BCLAF1: variants seen among roughly 807,000 people sequenced by gnomAD.
BCLAF1 encodes BCL2 associated transcription factor 1, also known as bcl-2-associated transcription factor 1.
BCLAF1 carries 10 observed loss-of-function variants against 99.5 expected under a neutral mutation model. The ratio of observed to expected loss-of-function variants is 0.10; its 90% CI spans 0.06 to 0.17. The LOEUF is 0.17. Ranked by LOEUF, BCLAF1 falls within the 10% of genes least tolerant of loss-of-function variation. BCLAF1 has a pLI of 1.00. For missense variants in BCLAF1, 636 were observed against 1,105.8 expected (o/e 0.58, Z 6.02); for synonymous variants, 255 against 370.9 (o/e 0.69, Z 3.59).
At chr6:136,275,039 T>C (rs1332890079) in intron 6 of BCLAF1, among the ~76,000 whole-genome samples, 1 of 152,070 alleles carries the variant, frequency 6.6e-6, no homozygotes, top group African/African-American at 2.4e-5. Flanking sequence ...AAGATTTTTA[T>C]GTATAAAAAA....
intron 2 of BCLAF1, 146 bp downstream of exon 2, chr6:136,282,438 T>C (rs973593454): frequency 1.3e-5 from 2 of 152,198 alleles, no homozygotes; most frequent in Admixed American, 1.3e-4. Flanking sequence ...AACATCTGAC[T>C]TACTTCATAC....
intron 1 of BCLAF1, among the ~76,000 whole-genome samples, 185 bp from the exon 2 acceptor site, chr6:136,282,872 AC>A (rs1177600963): frequency 6.6e-6 from 1 of 152,192 alleles, no homozygotes; most frequent in East Asian, 1.9e-4. Flanking sequence ...TTTTTTGTAA[AC>A]CACAATGCAG....
rs933075313 is a variant in BCLAF1, at chr6:136,258,185, G to A, written c.*2925C>T. 2 of 152,030 alleles carry A rather than the reference G, an allele frequency of 1.3e-5. No homozygotes were observed. Among genetic ancestry groups the A allele is most frequent in the Non-Finnish European group, 1.5e-5 (1 of 67,908 alleles). 9.4% of individuals were successfully genotyped at this position (152,030 alleles called of 1,614,324 possible). The stretch of plus-strand genomic sequence containing the variant: ...ACATCTTACTTAAAGTGAATGAAAA[G>A]ACAATTCTTTTTACTTATTTACTAG... On this transcript the variant is annotated 3_prime_UTR_variant, in exon 13 of 13. Coordinates refer to ENST00000531224, the MANE Select transcript of BCLAF1 (RefSeq NM_014739.3).
At chr6:136,264,842 T>C (rs1263690139) in intron 11 of BCLAF1, among the ~76,000 whole-genome samples, 1 of 152,180 alleles carries the variant, frequency 6.6e-6, no homozygotes, top group Non-Finnish European at 1.5e-5. Flanking sequence ...TTATGTTTTA[T>C]AGAGACCAAG....
In BCLAF1 at chr6:136,287,012, C is replaced by T. The variant is rs971744886; in HGVS notation, c.-115+2701G>A. Among the ~76,000 whole-genome samples, 4 of 151,724 alleles carry T rather than the reference C, an allele frequency of 2.6e-5. No homozygotes were observed. In the East Asian group the frequency reaches 5.8e-4, roughly 22 times the overall value. On this transcript the variant is annotated intron_variant, in intron 1 of 12. Coordinates refer to ENST00000531224, the MANE Select transcript of BCLAF1 (RefSeq NM_014739.3). ...GGCCTTTGTGGTGTGCACCTGTAAT[C>T]CCATGTAATCCCAGCTACTGGGGAG...
chr6:136,287,073 G>A (rs568349262), intron 1 of BCLAF1, among the ~76,000 whole-genome samples: 127 of 152,242 alleles, frequency 8.3e-4, no homozygotes, highest in Middle Eastern at 3.4e-3. Flanking sequence ...CTGGGAGGCA[G>A]AGGTTGCAGT....
At chr6:136,270,952 A>T (rs906882264) in intron 8 of BCLAF1, among the ~76,000 whole-genome samples, 1 of 151,784 alleles carries the variant, frequency 6.6e-6, no homozygotes, top group Admixed American at 6.6e-5. Flanking sequence ...TTTCAACATC[A>T]ATACGCCCCA....
intron 11 of BCLAF1, 122 bp from the exon 12 acceptor site, chr6:136,261,599 A>G (rs756038286): frequency 1.6e-5 from 16 of 972,754 alleles, no homozygotes; most frequent in Non-Finnish European, 2.4e-5. Context: ...TAATATTCTA[A>G]AACACAATAA....
chr6:136,277,852 T>A lies in BCLAF1; in HGVS notation c.1016+13A>T. ...ACAATATTATAATCTAGATTCTGTA[T>A]TTTAGTTTTTACCTTTTTAAGAACT... On this transcript the variant is annotated intron_variant, in intron 4 of 12. Transcript: ENST00000531224. 15 of 1,600,880 alleles carry A rather than the reference T, an allele frequency of 9.4e-6. No individual in the cohort carries two copies. The highest frequency in any genetic ancestry group is 1.3e-5 in the Non-Finnish European group (15 of 1,172,660).
At chr6:136,266,432 C>T (rs1286216286) in intron 11 of BCLAF1, among the ~76,000 whole-genome samples, 3 of 152,050 alleles carry the variant, frequency 2.0e-5, no homozygotes, top group Non-Finnish European at 4.4e-5. Flanking sequence ...AATGCCCATC[C>T]TTATCTAGAG....
rs1253060640 is a variant in BCLAF1 at position 136,258,197 on chromosome 6, TA to T, written c.*2912del. ...AAGTGAATGAAAAGACAATTCTTTT[TA>T]CTTATTTACTAGCTACTATGTTTTT... On this transcript the variant is annotated 3_prime_UTR_variant, in exon 13 of 13. Coordinates refer to ENST00000531224, the MANE Select transcript of BCLAF1 (RefSeq NM_014739.3). 3 of 152,130 alleles carry T rather than the reference TA, an allele frequency of 2.0e-5. No individual in the cohort carries two copies. Among genetic ancestry groups the T allele is most frequent in the Non-Finnish European group, 4.4e-5 (3 of 67,948 alleles). The allele number at this position is 152,130 out of a possible 1,614,324, so 9.4% of individuals were successfully genotyped here. A position where few individuals can be genotyped will look rare whatever the true frequency, so the allele number is the denominator to read the frequency against.
intron 1 of BCLAF1, among the ~76,000 whole-genome samples, chr6:136,284,130 G>A (rs9494498): frequency 0.065 from 7,849 of 121,582 alleles, 1,139 homozygotes; most frequent in African/African-American, 0.29. Flanking sequence ...GTGTGTGTGT[G>A]TATATATATA....
rs575501674 is a variant in BCLAF1, at chr6:136,266,797, A to T, written c.2544+232T>A. Among the ~76,000 whole-genome samples, 3 of 152,188 alleles carry T rather than the reference A, an allele frequency of 2.0e-5. No individual in the cohort carries two copies. In the South Asian group the frequency reaches 6.2e-4, roughly 31 times the overall value. On this transcript the variant is annotated intron_variant, in intron 11 of 12. Transcript: ENST00000531224. ...TCTGAATGTGGGTAACAAATCAGGT[A>T]TATTTTTTGCTTACCCTGATCAGCC...
intron 1 of BCLAF1, among the ~76,000 whole-genome samples, chr6:136,287,532 C>T (rs557662367): frequency 3.3e-5 from 5 of 152,294 alleles, no homozygotes; most frequent in African/African-American, 1.2e-4. Flanking sequence ...TCTTAATTCC[C>T]TCTTCTACTT....
At chr6:136,271,216 T>A (rs1782485731) in intron 8 of BCLAF1, among the ~76,000 whole-genome samples, 1 of 151,826 alleles carries the variant, frequency 6.6e-6, no homozygotes, top group Non-Finnish European at 1.5e-5. Context: ...ATCATGTAGA[T>A]AGTACTTAGT....
chr6:136,284,877 G>A (rs575421238), intron 1 of BCLAF1, among the ~76,000 whole-genome samples: 164 of 152,186 alleles, frequency 1.1e-3, no homozygotes, highest in Middle Eastern at 6.8e-3. Context: ...GGTGGGCAGG[G>A]GGACTACTTA....
At chr6:136,288,488 G>A (rs952598843) in intron 1 of BCLAF1, among the ~76,000 whole-genome samples, 3 of 152,220 alleles carry the variant, frequency 2.0e-5, no homozygotes, top group Non-Finnish European at 2.9e-5. Flanking sequence ...TCCAACTAAA[G>A]TCGAACTGAA....
chr6:136,263,674 A>G (rs977164371), intron 11 of BCLAF1, among the ~76,000 whole-genome samples: 2 of 152,108 alleles, frequency 1.3e-5, no homozygotes, highest in African/African-American at 4.8e-5. Flanking sequence ...TTTCAAAGGA[A>G]TAATAACCAA....
chr6:136,269,283 T>A, intron 9 of BCLAF1, 154 bp downstream of exon 9: 1 of 1,523,146 alleles, frequency 6.6e-7, no homozygotes, highest in South Asian at 1.2e-5. Context: ...ATAAGCCGTG[T>A]AAAAGACAAA....
Sources: gnomAD v4.1 joint callset for allele counts (sites outside exome capture counted in the v4.1 genomes callset) on GRCh38, gnomAD v4.1.1 for gene constraint, MANE v1.5 for transcripts, NCBI Gene and HGNC (gene_info 2026-07-23, HGNC 2026-07-21) for gene names.